Variants in RGS3 observed in about 807,000 individuals in gnomAD.
RGS3 encodes the protein regulator of G-protein signalling 3.
In RGS3, 80 loss-of-function variants were observed where a neutral mutation model predicts 132.6. That is an observed-to-expected ratio of 0.60 (90% CI 0.50 to 0.73). The LOEUF (loss-of-function observed/expected upper bound fraction) is 0.73. Ranked by LOEUF, RGS3 falls within the 30% of genes least tolerant of loss-of-function variation. The pLI, the probability that RGS3 is intolerant of heterozygous loss-of-function variation, is 0.00. For synonymous variants in RGS3, 598 were observed against 620.6 expected (o/e 0.96, Z 0.54); for missense variants, 1,382 against 1,530.8 (o/e 0.90, Z 1.62).
chr9:113,477,880 G>T lies in RGS3; in HGVS notation c.416-1611G>T, dbSNP rs764721920. Among the ~76,000 whole-genome samples the T allele has an allele frequency of 1.5e-3, 229 of 152,326 alleles. 5 individuals are homozygous for T. The highest frequency in any genetic ancestry group is 5.1e-4 in the Non-Finnish European group (35 of 68,036). Reference sequence around the variant, plus strand: ...CCATGCCTGGGCTTTCTGGTAGACGGCCCTGCCCTGCTTTCTGATGTCTCC... The same window carrying T: ...CCATGCCTGGGCTTTCTGGTAGACGTCCCTGCCCTGCTTTCTGATGTCTCC... On this transcript the variant is annotated intron_variant, in intron 3 of 24. Transcript: ENST00000350696.
Position 113,507,505 on chromosome 9 carries a change from T to C in RGS3, c.1304T>C (p.Leu435Pro). The change falls in exon 13 of 25, where the codon CTG (leucine) becomes CCG (proline). Residue 435 changes from leucine to proline, a missense_variant. Leu to Pro is a moderately conservative substitution (Grantham distance 98). Transcript: ENST00000350696. The surrounding 1 kb of genome is among the most constrained non-coding windows in gnomAD (Gnocchi z 5.0). ...GTATGTGACAGCTCTGATGGGCTGC[T>C]GCTCGGCGGCTGGGAGCGCTACACC... 1 of 1,610,794 alleles carries C rather than the reference T, an allele frequency of 6.2e-7. No individual in the cohort carries two copies. Among genetic ancestry groups the C allele is most frequent in the Admixed American group, 1.7e-5 (1 of 59,772 alleles).
chr9:113,561,742 G>C (rs1278875218), intron 19 of RGS3, among the ~76,000 whole-genome samples: 2 of 152,054 alleles, frequency 1.3e-5, no homozygotes, highest in East Asian at 1.9e-4. Flanking sequence ...GAGGTGCATT[G>C]GTCTTCACGC....
chr9:113,463,998 GCA>G lies in RGS3; in HGVS notation c.415+1799_415+1800del. ...GAGCAGGTGCTCTTTCTATCTAGGG[GCA>G]CCTTCTCTGGCCCCTTTCTCCTGTG... On this transcript the variant is annotated intron_variant, in intron 3 of 24. Transcript: ENST00000350696. This position sits in a 1 kb window ranked among gnomAD's most constrained non-coding sequence, Gnocchi z 4.6. 9.4e-7 allele frequency: 1 copy of G among 1,061,052 alleles called. No individual in the cohort carries two copies. The highest frequency in any genetic ancestry group is 1.4e-6 in the Non-Finnish European group (1 of 731,214). The allele number at this position is 1,061,052 out of a possible 1,614,324, so 65.7% of individuals were successfully genotyped here.
intron 18 of RGS3, among the ~76,000 whole-genome samples, chr9:113,534,202 G>A (rs1053180107): frequency 1.3e-5 from 2 of 152,178 alleles, no homozygotes; most frequent in African/African-American, 4.8e-5. Flanking sequence ...CGCTGCTTCT[G>A]GAACAGCTTC....
intron 1 of RGS3, among the ~76,000 whole-genome samples, chr9:113,452,583 A>G (rs905328934): frequency 2.0e-5 from 3 of 151,978 alleles, no homozygotes; most frequent in Admixed American, 6.6e-5. Flanking sequence ...AAAAAGCCCA[A>G]CCACTATTTC....
At chr9:113,554,632 T>C (rs1029344273) in intron 19 of RGS3, among the ~76,000 whole-genome samples, 22 of 152,224 alleles carry the variant, frequency 1.4e-4, no homozygotes, top group Admixed American at 1.3e-3. Flanking sequence ...CAGTCACCTA[T>C]ATTTCTGCTT....
At chr9:113,596,638 C>A in intron 24 of RGS3, 130 bp from the exon 23 acceptor site, 1 of 713,720 alleles carries the variant, frequency 1.4e-6, no homozygotes, top group Non-Finnish European at 2.2e-6. Flanking sequence ...GTCTCTACTT[C>A]AGATGAACCT....
intron 19 of RGS3, among the ~76,000 whole-genome samples, chr9:113,545,752 G>A (rs1171227404): frequency 6.6e-6 from 1 of 152,114 alleles, no homozygotes. Flanking sequence ...CCAGGCACAG[G>A]GTCAAGCTTT....
At chr9:113,564,594 C>G (rs927759687) in intron 19 of RGS3, among the ~76,000 whole-genome samples, 1 of 152,276 alleles carries the variant, frequency 6.6e-6, no homozygotes, top group Admixed American at 6.5e-5. Flanking sequence ...TTCCACTGCC[C>G]CCGCAGTTCC....
intron 19 of RGS3, chr9:113,582,080 G>A (rs1313395797): frequency 5.1e-6 from 5 of 985,256 alleles, no homozygotes; most frequent in East Asian, 1.1e-4. Flanking sequence ...AGATGCCAGC[G>A]TGACCCCTGA....
chr9:113,497,266 T>C (rs370155814), intron 8 of RGS3, 48 bp from the exon 7 acceptor site: 29 of 1,479,704 alleles, frequency 2.0e-5, no homozygotes, highest in African/African-American at 1.7e-4. Flanking sequence ...GCCTGACCTG[T>C]GCTTCTGCCT....
At chr9:113,502,732 C>G (rs1209203850) in intron 10 of RGS3, among the ~76,000 whole-genome samples, 1 of 152,222 alleles carries the variant, frequency 6.6e-6, no homozygotes. Flanking sequence ...TGGGCTGGAC[C>G]TAGGGCTCAG....
chr9:113,488,852 G>C (rs1019462726), intron 7 of RGS3, among the ~76,000 whole-genome samples: 2 of 152,188 alleles, frequency 1.3e-5, no homozygotes, highest in Non-Finnish European at 2.9e-5. Flanking sequence ...CTCCTTTATC[G>C]ATCCATTTCG....
chr9:113,592,999 A>G (rs1413956673), intron 21 of RGS3: 3 of 152,220 alleles, frequency 2.0e-5, no homozygotes, highest in African/African-American at 7.2e-5. Flanking sequence ...CTACTGTGCA[A>G]AGAGGCTAAG....
chr9:113,544,678 C>T (rs1409045461), intron 19 of RGS3, among the ~76,000 whole-genome samples: 2 of 152,214 alleles, frequency 1.3e-5, no homozygotes, highest in South Asian at 2.1e-4. Context: ...CTCCCCCCAG[C>T]CTCCCAGCAG....
intron 5 of RGS3, 117 bp from the exon 4 acceptor site, chr9:113,484,021 C>T: frequency 1.5e-6 from 1 of 646,652 alleles, no homozygotes; most frequent in East Asian, 2.7e-5. Context: ...CTGTCCTCTG[C>T]AGAGGCTGAC....
intron 7 of RGS3, among the ~76,000 whole-genome samples, chr9:113,488,312 G>T (rs889362411): frequency 6.6e-6 from 1 of 152,200 alleles, no homozygotes; most frequent in Non-Finnish European, 1.5e-5. Context: ...GGGGAGCCAG[G>T]TCAGAGCTGT....
rs879395181 is a variant in RGS3 at position 113,515,630 on chromosome 9, C to CA, written c.1674+986dup. On this transcript the variant is annotated intron_variant, in intron 15 of 24. Coordinates refer to ENST00000350696, the Ensembl canonical transcript of RGS3. ...TGGGAGACAGAGTGAGACTCTGTCT[C>CA]AAAAAAAAAAGAAACAAAACAAAAA... 1.5e-3 allele frequency among the ~76,000 whole-genome samples: 209 copies of CA among 142,978 alleles called. 1 individual carries two copies. Among genetic ancestry groups the CA allele is most frequent in the African/African-American group, 4.1e-3 (161 of 38,868 alleles). The allele number at this position is 142,978 out of a possible 152,430, so 93.8% of individuals were successfully genotyped here.
rs531802080 is a variant in RGS3 at position 113,565,112 on chromosome 9, T to G, written c.2038-18338T>G. 5 of 1,169,642 alleles carry G rather than the reference T, an allele frequency of 4.3e-6. No individual in the cohort carries two copies. In the African/African-American group the frequency reaches 6.5e-5, roughly 15 times the overall value. 72.5% of individuals were successfully genotyped at this position (1,169,642 alleles called of 1,614,324 possible). On this transcript the variant is annotated intron_variant, in intron 19 of 24. Coordinates refer to ENST00000350696, the Ensembl canonical transcript of RGS3. The surrounding 1 kb of genome is among the most constrained non-coding windows in gnomAD (Gnocchi z 5.7). Reference sequence around the variant, plus strand: ...ACGCCTCTCCCCCGGAGCAGCACTTTGGGGCCAGCTTGGGCCCTGGGGATG... The same window carrying G: ...ACGCCTCTCCCCCGGAGCAGCACTTGGGGGCCAGCTTGGGCCCTGGGGATG...
Sources: allele counts gnomAD v4.1 joint callset (sites outside exome capture counted in the v4.1 genomes callset), GRCh38; gene constraint gnomAD v4.1.1; non-coding constraint Gnocchi (gnomAD v3.1); transcripts MANE v1.5; gene names NCBI Gene and HGNC (gene_info 2026-07-23, HGNC 2026-07-21).